Variants in RPS6KC1 observed in about 807,000 individuals in gnomAD.
The protein encoded by RPS6KC1 is ribosomal protein S6 kinase C1, also known as inactive ribosomal protein S6 kinase delta-1.
Under a neutral mutation model 103.8 loss-of-function variants are expected in RPS6KC1, and 54 were observed. The observed-to-expected ratio is 0.52, with a 90% CI of 0.42 to 0.65. RPS6KC1 has a LOEUF of 0.65. Among genes scored for constraint, RPS6KC1 ranks in the 30% least tolerant of loss-of-function variants. RPS6KC1 has a pLI of 0.00. For synonymous variants in RPS6KC1, 439 were observed against 438.7 expected (o/e 1.00, Z -0.01); for missense variants, 1,151 against 1,253.8 (o/e 0.92, Z 1.24).
At chr1:213,693,739 C>G in the RPS6KC1 span, among the ~76,000 whole-genome samples, 1 of 152,170 alleles carries the variant, frequency 6.6e-6, no homozygotes, top group African/African-American at 2.4e-5. Flanking sequence ...TTTTCGATGG[C>G]TACGGAAATT....
the RPS6KC1 span, among the ~76,000 whole-genome samples, chr1:213,381,660 C>T: frequency 6.6e-6 from 1 of 152,016 alleles, no homozygotes; most frequent in African/African-American, 2.4e-5. Flanking sequence ...CCGAGAGCTG[C>T]CAAAAGATAT....
At position 213,090,202 on chromosome 1, in the gene RPS6KC1, A is replaced by T. The variant is rs992398265; in HGVS notation, c.262+12386A>T. On this transcript the variant is annotated intron_variant, in intron 3 of 14. Coordinates refer to ENST00000366960, the MANE Select transcript of RPS6KC1 (RefSeq NM_012424.6). ...AAGATGAAGATAATTTTAAGAAGTC[A>T]TCAGTCTGAGGAGTTTTAAGAATCA... 1.2e-4 allele frequency among the ~76,000 whole-genome samples: 19 copies of T among 152,366 alleles called. 1 individual carries two copies. The East Asian group carries it at 3.7e-3, about 29-fold the overall frequency.
chr1:213,697,219 C>T, the RPS6KC1 span, among the ~76,000 whole-genome samples: 8 of 152,304 alleles, frequency 5.3e-5, no homozygotes, highest in South Asian at 4.1e-4. Context: ...CAGGAACCTC[C>T]GTGTGTTCAA....
the RPS6KC1 span, among the ~76,000 whole-genome samples, chr1:213,455,219 C>G: frequency 9.2e-5 from 14 of 152,102 alleles, no homozygotes; most frequent in Non-Finnish European, 1.8e-4. Context: ...TGTTTCCCTG[C>G]AAGGAGGTGG....
the RPS6KC1 span, among the ~76,000 whole-genome samples, chr1:213,488,900 T>A: frequency 1.3e-5 from 2 of 152,190 alleles, no homozygotes; most frequent in African/African-American, 2.4e-5. Context: ...TCTAGAAAAG[T>A]GTAACACTGG....
At chr1:213,437,270 T>C in the RPS6KC1 span, among the ~76,000 whole-genome samples, 1 of 152,112 alleles carries the variant, frequency 6.6e-6, no homozygotes, top group Non-Finnish European at 1.5e-5. Flanking sequence ...GAAATGGTTA[T>C]ATATTTTGTT....
chr1:213,568,085 G>A, the RPS6KC1 span, among the ~76,000 whole-genome samples: 1 of 152,204 alleles, frequency 6.6e-6, no homozygotes, highest in African/African-American at 2.4e-5. Flanking sequence ...AGGAACATGA[G>A]ACTCCTGTAT....
At chr1:213,709,678 A>G in the RPS6KC1 span, among the ~76,000 whole-genome samples, 2 of 152,108 alleles carry the variant, frequency 1.3e-5, no homozygotes, top group Non-Finnish European at 2.9e-5. Flanking sequence ...GTCCTTGTAA[A>G]CACCACTTTA....
the RPS6KC1 span, among the ~76,000 whole-genome samples, chr1:213,517,002 A>C: frequency 6.6e-6 from 1 of 152,122 alleles, no homozygotes; most frequent in Non-Finnish European, 1.5e-5. Context: ...TAGATTTTCT[A>C]GTTTATTTGC....
the RPS6KC1 span, among the ~76,000 whole-genome samples, chr1:213,692,593 G>A: frequency 6.6e-6 from 1 of 152,078 alleles, no homozygotes; most frequent in Non-Finnish European, 1.5e-5. Flanking sequence ...ACAGTGGCCT[G>A]CCAGCACTTC....
intron 8 of RPS6KC1, among the ~76,000 whole-genome samples, chr1:213,217,822 AC>A (rs750417042): frequency 3.3e-5 from 5 of 152,182 alleles, no homozygotes; most frequent in Non-Finnish European, 5.9e-5. Context: ...AAATTCAACA[AC>A]CCTTCATGCT....
chr1:213,245,924 T>C (rs1292017169), intron 12 of RPS6KC1, among the ~76,000 whole-genome samples: 2 of 152,166 alleles, frequency 1.3e-5, no homozygotes, highest in Non-Finnish European at 2.9e-5. Context: ...ATTTCAACAA[T>C]GTATACTCCC....
chr1:213,121,155 A>G (rs1163161089), intron 5 of RPS6KC1, among the ~76,000 whole-genome samples: 1 of 152,124 alleles, frequency 6.6e-6, no homozygotes, highest in Non-Finnish European at 1.5e-5. Flanking sequence ...GCAGCTCTCG[A>G]ACTCTTAGAC....
chr1:213,841,506 G>T, the RPS6KC1 span: 1 of 152,220 alleles, frequency 6.6e-6, no homozygotes, highest in African/African-American at 2.4e-5. Context: ...AAACCATGAA[G>T]AATTAAACCT....
chr1:213,266,290 A>C lies in RPS6KC1; in HGVS notation c.3090+3474A>C, dbSNP rs551457764. ...TATACAAATAATTGAATTATGAATG[A>C]AAGAAAAATTAGAAATAATGAAAAA... is the stretch of plus-strand genomic sequence containing the variant. On this transcript the variant is annotated intron_variant, in intron 14 of 14. Transcript: ENST00000366960. 1.1e-4 allele frequency among the ~76,000 whole-genome samples: 16 copies of C among 152,368 alleles called. No homozygotes were observed. In the South Asian group the frequency reaches 3.3e-3, roughly 32 times the overall value.
chr1:213,776,059 C>T, the RPS6KC1 span, among the ~76,000 whole-genome samples: 2 of 152,192 alleles, frequency 1.3e-5, no homozygotes, highest in Non-Finnish European at 2.9e-5. Flanking sequence ...AATTGTATTT[C>T]TCTTGCTGTT....
chr1:213,224,025 C>T (rs1464698100), intron 8 of RPS6KC1, among the ~76,000 whole-genome samples: 1 of 152,150 alleles, frequency 6.6e-6, no homozygotes, highest in Admixed American at 6.5e-5. Context: ...AATGGGGAGA[C>T]ACTGAATCCC....
At chr1:213,118,531 A>G (rs1273614652) in intron 5 of RPS6KC1, among the ~76,000 whole-genome samples, 2 of 152,036 alleles carry the variant, frequency 1.3e-5, no homozygotes, top group African/African-American at 4.8e-5. Context: ...TTGTGAGGGT[A>G]TGTACTCCTG....
chr1:213,582,178 C>T, the RPS6KC1 span, among the ~76,000 whole-genome samples: 5 of 149,002 alleles, frequency 3.4e-5, no homozygotes, highest in East Asian at 2.0e-4. Context: ...TTATTGAATA[C>T]GTGAATGAAA....
Sources: allele counts gnomAD v4.1 joint callset (sites outside exome capture counted in the v4.1 genomes callset), GRCh38; gene constraint gnomAD v4.1.1; transcripts MANE v1.5; gene names NCBI Gene and HGNC (gene_info 2026-07-23, HGNC 2026-07-21).